Variants in NCKAP1 observed in about 807,000 individuals in gnomAD.
NCKAP1 encodes the protein NCK associated protein 1.
In NCKAP1, 21 loss-of-function variants were observed where a neutral mutation model predicts 151.2. That is an observed-to-expected ratio of 0.14 (90% CI 0.10 to 0.20). The LOEUF (loss-of-function observed/expected upper bound fraction) is 0.20. Ranked by LOEUF, NCKAP1 falls within the 10% of genes least tolerant of loss-of-function variation. NCKAP1 has a pLI of 1.00. For synonymous variants in NCKAP1, 484 were observed against 451.8 expected (o/e 1.07, Z -0.90); for missense variants, 933 against 1,352.1 (o/e 0.69, Z 4.86).
At chr2:182,948,057 G>A (rs74685148) in intron 23 of NCKAP1, among the ~76,000 whole-genome samples, 6,547 of 151,998 alleles carry the variant, frequency 0.043, 200 homozygotes, top group Middle Eastern at 0.12. Flanking sequence ...TCCAGAAAAT[G>A]GAATCCTTAC....
intron 15 of NCKAP1, among the ~76,000 whole-genome samples, chr2:182,969,082 T>C (rs1438514227): frequency 6.6e-6 from 1 of 152,220 alleles, no homozygotes; most frequent in Admixed American, 6.5e-5. Context: ...AAACAGGAAT[T>C]AGCTATAGCT....
intron 1 of NCKAP1, among the ~76,000 whole-genome samples, chr2:183,029,888 T>A (rs539884714): frequency 1.3e-5 from 2 of 150,754 alleles, no homozygotes; most frequent in South Asian, 2.1e-4. Flanking sequence ...ACAAAAGATG[T>A]TGGAAGTAAA....
At chr2:183,025,096 T>G (rs930565202) in intron 1 of NCKAP1, 12 of 1,025,302 alleles carry the variant, frequency 1.2e-5, no homozygotes, top group Non-Finnish European at 1.8e-5. Flanking sequence ...CTGCAGACTA[T>G]GAATAACAGA....
chr2:183,011,612 G>A lies in NCKAP1; in HGVS notation c.220-8287C>T, dbSNP rs184674576. 5.1e-3 allele frequency among the ~76,000 whole-genome samples: 769 copies of A among 152,270 alleles called. 11 individuals are homozygous for A. Among genetic ancestry groups the A allele is most frequent in the African/African-American group, 0.017 (727 of 41,550 alleles). ...TCGTAGTTTGTTCCTTTTAATTGGTGAGTAGTATTCTGTTAAATGTACACA... is the reference window on the plus strand; with the variant it reads ...TCGTAGTTTGTTCCTTTTAATTGGTAAGTAGTATTCTGTTAAATGTACACA... On this transcript the variant is annotated intron_variant, in intron 2 of 30. Transcript: ENST00000361354.
intron 26 of NCKAP1, among the ~76,000 whole-genome samples, chr2:182,932,534 T>G (rs1696786768): frequency 1.3e-5 from 2 of 152,140 alleles, no homozygotes; most frequent in South Asian, 4.1e-4. Flanking sequence ...AAAACTGACT[T>G]TAGTGATGGT....
chr2:182,960,570 C>A (rs1697426049), intron 18 of NCKAP1, among the ~76,000 whole-genome samples: 5 of 152,146 alleles, frequency 3.3e-5, no homozygotes, highest in Admixed American at 3.3e-4. Flanking sequence ...ACACCTTATA[C>A]AAAAGTTAAT....
intron 23 of NCKAP1, among the ~76,000 whole-genome samples, chr2:182,945,247 CA>C (rs67079042): frequency 0.94 from 141,954 of 151,024 alleles, 66,872 homozygotes; most frequent in East Asian, 0.99. Context: ...AAATAAAAAA[CA>C]AAAAAAAAGC....
chr2:182,962,090 C>A, intron 18 of NCKAP1, 69 bp downstream of exon 18: 1 of 1,489,154 alleles, frequency 6.7e-7, no homozygotes, highest in South Asian at 1.3e-5. Context: ...AAAACAACAA[C>A]TGGCTAAAAG....
intron 12 of NCKAP1, 35 bp downstream of exon 12, chr2:182,982,786 T>G: frequency 7.2e-7 from 1 of 1,388,422 alleles, no homozygotes; most frequent in Non-Finnish European, 9.9e-7. Context: ...AGCATCTATA[T>G]ACAGAAAATA....
At chr2:182,977,871 T>C (rs1205054013) in intron 14 of NCKAP1, among the ~76,000 whole-genome samples, 1 of 152,140 alleles carries the variant, frequency 6.6e-6, no homozygotes, top group Non-Finnish European at 1.5e-5. Context: ...TATTTTACAA[T>C]TAAAAAATAA....
chr2:182,980,634 GA>G (rs1343176711), intron 13 of NCKAP1, among the ~76,000 whole-genome samples: 1 of 151,576 alleles, frequency 6.6e-6, no homozygotes, highest in Admixed American at 6.6e-5. Flanking sequence ...ACCAATTAAG[GA>G]AAAAAAATTG....
At chr2:182,938,569 T>C (rs1262714822) in intron 24 of NCKAP1, among the ~76,000 whole-genome samples, 1 of 151,880 alleles carries the variant, frequency 6.6e-6, no homozygotes, top group Non-Finnish European at 1.5e-5. Flanking sequence ...AATCAAACAG[T>C]GCATACAAAC....
In NCKAP1 at chr2:182,928,841, T is replaced by G; in HGVS notation, c.3012A>C (p.Ala1004=). 6.2e-7 allele frequency: 1 copy of G among 1,612,592 alleles called. No individual in the cohort carries two copies. Among genetic ancestry groups the G allele is most frequent in the South Asian group, 1.1e-5 (1 of 90,960 alleles). Residue 1004 remains alanine (A), a synonymous_variant, in exon 28 of 31, where the codon GCA becomes GCC. Transcript: ENST00000361354. Reference sequence around the variant, plus strand: ...TACTGGCCAGTGTTGGCAAAGAAACTGCCACAAACACCATGAGAAGGCAGG... The same window carrying G: ...TACTGGCCAGTGTTGGCAAAGAAACGGCCACAAACACCATGAGAAGGCAGG... ...KIACLLMVFV[A]VSLPTLASNV...
chr2:182,950,077 C>T (rs938791124), intron 23 of NCKAP1, among the ~76,000 whole-genome samples: 5 of 151,938 alleles, frequency 3.3e-5, no homozygotes, highest in African/African-American at 7.3e-5. Context: ...ATGAATGTCA[C>T]GAACAGGCAA....
chr2:183,020,608 G>A (rs1025449841), intron 2 of NCKAP1, among the ~76,000 whole-genome samples: 16 of 151,804 alleles, frequency 1.1e-4, no homozygotes, highest in African/African-American at 3.4e-4. Flanking sequence ...AATAACCTAG[G>A]TCCCTAAGAA....
chr2:182,919,235 C>T lies in NCKAP1; in HGVS notation c.*6467G>A, dbSNP rs1004578709. The T allele has an allele frequency of 2.0e-5, 3 of 152,264 alleles. No individual in the cohort carries two copies. Among genetic ancestry groups the T allele is most frequent in the African/African-American group, 4.8e-5 (2 of 41,468 alleles). 9.4% of individuals were successfully genotyped at this position (152,264 alleles called of 1,614,324 possible). ...TTTCCCCTCCTAGCCATCACAAGTT[C>T]TGCCATCTGGGCCTTGCTTCAGACT... On this transcript the variant is annotated 3_prime_UTR_variant, in exon 31 of 31. Coordinates refer to ENST00000361354, the MANE Select transcript of NCKAP1 (RefSeq NM_013436.5).
intron 12 of NCKAP1, among the ~76,000 whole-genome samples, chr2:182,981,719 G>A (rs1418953100): frequency 6.6e-6 from 1 of 151,732 alleles, no homozygotes; most frequent in Non-Finnish European, 1.5e-5. Context: ...AACCAGCCTG[G>A]CCAACATGGT....
chr2:183,011,998 G>A (rs763507640), intron 2 of NCKAP1, among the ~76,000 whole-genome samples: 2 of 152,160 alleles, frequency 1.3e-5, no homozygotes, highest in Non-Finnish European at 2.9e-5. Context: ...GTGTATATAC[G>A]TGTACAGGGA....
intron 24 of NCKAP1, 43 bp from the exon 25 acceptor site, chr2:182,935,418 G>T: frequency 8.3e-7 from 1 of 1,201,420 alleles, no homozygotes; most frequent in Non-Finnish European, 1.1e-6. Flanking sequence ...AAAAAAGTGT[G>T]AACTGGATTC....
Sources: gnomAD v4.1 joint callset for allele counts (sites outside exome capture counted in the v4.1 genomes callset) on GRCh38, gnomAD v4.1.1 for gene constraint, MANE v1.5 for transcripts, NCBI Gene and HGNC (gene_info 2026-07-23, HGNC 2026-07-21) for gene names.